The following TRPM6 variants were observed in gnomAD, a reference collection of about 807,000 sequenced individuals.
TRPM6 encodes transient receptor potential cation channel subfamily M member 6.
In TRPM6, 111 loss-of-function variants were observed where a neutral mutation model predicts 247.6. The observed-to-expected ratio is 0.45, with a 90% confidence interval of 0.38 to 0.52. The LOEUF (loss-of-function observed/expected upper bound fraction) is 0.52. Ranked by LOEUF, TRPM6 falls within the 20% of genes least tolerant of loss-of-function variation. TRPM6 has a pLI of 0.00. For missense variants in TRPM6, 2,126 were observed against 2,421.5 expected (o/e 0.88, Z 2.56); for synonymous variants, 892 against 853.8 (o/e 1.04, Z -0.78).
chr9:74,749,010 A>G (rs534220961), intron 30 of TRPM6, among the ~76,000 whole-genome samples: 1 of 152,224 alleles, frequency 6.6e-6, no homozygotes, highest in Non-Finnish European at 1.5e-5. Flanking sequence ...TTTTTACTGT[A>G]CTTTTTTTGT....
At chr9:74,873,947 C>T (rs1044342521) in intron 1 of TRPM6, among the ~76,000 whole-genome samples, 5 of 151,808 alleles carry the variant, frequency 3.3e-5, no homozygotes, top group African/African-American at 1.2e-4. Context: ...AGAATTAGGG[C>T]AGTCCAGGCT....
intron 1 of TRPM6, among the ~76,000 whole-genome samples, chr9:74,876,607 C>T (rs1264325153): frequency 3.9e-5 from 6 of 152,190 alleles, no homozygotes; most frequent in Non-Finnish European, 8.8e-5. Flanking sequence ...GACTTGAGTT[C>T]ATTCCCTTAG....
intron 37 of TRPM6, 124 bp from the exon 38 acceptor site, chr9:74,728,469 C>T: frequency 1.4e-6 from 1 of 726,106 alleles, no homozygotes; most frequent in Non-Finnish European, 2.5e-6. Context: ...CAACAAAAAA[C>T]AGAGCACTTT....
intron 13 of TRPM6, among the ~76,000 whole-genome samples, chr9:74,809,976 CA>C (rs57812269): frequency 0.033 from 1,114 of 33,560 alleles, 14 homozygotes; most frequent in African/African-American, 0.083. Context: ...AACTCCATCT[CA>C]AAAAAAAAAA....
At chr9:74,873,282 C>T (rs886459742) in intron 1 of TRPM6, among the ~76,000 whole-genome samples, 5 of 152,196 alleles carry the variant, frequency 3.3e-5, no homozygotes, top group African/African-American at 1.2e-4. Context: ...CCTCCTTCCC[C>T]ATGCTCTCTC....
At chr9:74,809,771 G>A (rs968791919) in intron 13 of TRPM6, among the ~76,000 whole-genome samples, 15 of 152,018 alleles carry the variant, frequency 9.9e-5, no homozygotes, top group African/African-American at 3.6e-4. Flanking sequence ...CTGCGGTCAG[G>A]AGTTCGAGAC....
chr9:74,816,646 G>A lies in TRPM6; in HGVS notation c.1308+23C>T, dbSNP rs540756201. On this transcript the variant is annotated intron_variant, in intron 11 of 38. Transcript: ENST00000360774. ...GACCATCACACAAAATATTTTTTCC[G>A]AATAACTTCATTTTCACTATACCTT... 59 of 1,592,992 alleles carry A rather than the reference G, an allele frequency of 3.7e-5. 1 individual carries two copies. Among genetic ancestry groups the A allele is most frequent in the South Asian group, 1.8e-4 (16 of 90,632 alleles).
intron 24 of TRPM6, among the ~76,000 whole-genome samples, chr9:74,772,835 C>G (rs762832911): frequency 2.6e-5 from 4 of 152,118 alleles, no homozygotes; most frequent in Non-Finnish European, 5.9e-5. Context: ...TGGTGAAACC[C>G]CACCTCTAGT....
In TRPM6 at chr9:74,755,451, G is replaced by T; in HGVS notation, c.4808C>A (p.Ser1603Tyr). Residue 1603 changes from serine to tyrosine, a missense_variant, in exon 28 of 39, where the codon TCT (serine) becomes TAT (tyrosine). Coordinates refer to ENST00000360774, the MANE Select transcript of TRPM6 (RefSeq NM_017662.5). ...CTCTGGATTCAACTGGTCACTCTGA[G>T]AGCAGGCATTGACTGTTATGATCTG... ...QVPIITVNAC[S>Y]QSDQLNPEPG... is the part of the protein sequence containing the mutation. 6.2e-7 allele frequency: 1 copy of T among 1,614,138 alleles called. No individual in the cohort carries two copies. The highest frequency in any genetic ancestry group is 8.5e-7 in the Non-Finnish European group (1 of 1,179,998).
intron 5 of TRPM6, among the ~76,000 whole-genome samples, chr9:74,834,789 G>A (rs981754931): frequency 2.6e-5 from 4 of 152,068 alleles, no homozygotes; most frequent in Non-Finnish European, 5.9e-5. Flanking sequence ...TGGCTGCATA[G>A]TATTCCATGG....
At chr9:74,863,284 T>G (rs1830744508) in intron 1 of TRPM6, among the ~76,000 whole-genome samples, 1 of 151,884 alleles carries the variant, frequency 6.6e-6, no homozygotes, top group Non-Finnish European at 1.5e-5. Context: ...TGACCTCAAG[T>G]GATCCACCCG....
At chr9:74,784,551 G>C (rs1827579653) in intron 21 of TRPM6, among the ~76,000 whole-genome samples, 1 of 152,168 alleles carries the variant, frequency 6.6e-6, no homozygotes, top group Admixed American at 6.5e-5. Context: ...TGGTAGGGGA[G>C]AGTCAGTGAG....
intron 13 of TRPM6, 136 bp downstream of exon 13, chr9:74,810,678 TC>T: frequency 1.3e-6 from 1 of 781,348 alleles, no homozygotes; most frequent in Non-Finnish European, 2.3e-6. Context: ...ATGAACTTGT[TC>T]AAATCAAGGT....
intron 25 of TRPM6, among the ~76,000 whole-genome samples, chr9:74,770,922 T>G (rs1827010007): frequency 6.6e-6 from 1 of 152,188 alleles, no homozygotes; most frequent in South Asian, 2.1e-4. Flanking sequence ...AAAAGCCACC[T>G]GTAATTGCAG....
chr9:74,876,015 A>C (rs185135573), intron 1 of TRPM6, among the ~76,000 whole-genome samples: 50 of 152,348 alleles, frequency 3.3e-4, no homozygotes, highest in Admixed American at 1.8e-3. Context: ...CCAAGAAAAG[A>C]AAGATGTTTT....
At chr9:74,863,643 G>A (rs1233970118) in intron 1 of TRPM6, among the ~76,000 whole-genome samples, 4 of 151,922 alleles carry the variant, frequency 2.6e-5, no homozygotes, top group Non-Finnish European at 5.9e-5. Flanking sequence ...GTGCAATGGC[G>A]CGATCTCGGC....
At chr9:74,825,264 G>GA (rs556376312) in intron 7 of TRPM6, among the ~76,000 whole-genome samples, 19 of 151,868 alleles carry the variant, frequency 1.3e-4, no homozygotes, top group Admixed American at 3.9e-4. Flanking sequence ...TCAGTCTCCA[G>GA]AAAAAACAAA....
Position 74,804,788 on chromosome 9 carries a change from G to A in TRPM6, c.1639-902C>T, listed in dbSNP as rs1294670322. On this transcript the variant is annotated intron_variant, in intron 14 of 38. Transcript: ENST00000360774. ...AATGGTCTTAAGCTGCCCTTGCACG[G>A]GCTCGTAAGCAACATGGAAATAAGC... 2.0e-5 allele frequency: 14 copies of A among 683,174 alleles called. No homozygotes were observed. The Admixed American group carries it at 2.5e-4, about 12-fold the overall frequency. 42.3% of individuals were successfully genotyped at this position (683,174 alleles called of 1,614,324 possible). A position where few individuals can be genotyped will look rare whatever the true frequency, so the allele number is the denominator to read the frequency against.
intron 3 of TRPM6, among the ~76,000 whole-genome samples, chr9:74,853,175 C>T (rs1248111118): frequency 6.6e-5 from 10 of 151,878 alleles, no homozygotes; most frequent in Admixed American, 3.9e-4. Context: ...CGTCTCTGCC[C>T]GGCCGCCCCG....
Sources: gnomAD v4.1 joint callset for allele counts (sites outside exome capture counted in the v4.1 genomes callset) on GRCh38, gnomAD v4.1.1 for gene constraint, MANE v1.5 for transcripts, NCBI Gene and HGNC (gene_info 2026-07-23, HGNC 2026-07-21) for gene names.